MICAL2: variants seen among roughly 807,000 people sequenced by gnomAD.
MICAL2 encodes microtubule associated monooxygenase, calponin and LIM domain containing 2, also known as [F-actin]-monooxygenase MICAL2.
In MICAL2, 77 loss-of-function variants were observed where a neutral mutation model predicts 127.3. That is an observed-to-expected ratio of 0.60 (90% CI 0.50 to 0.73). The LOEUF is 0.73. Ranked by LOEUF, MICAL2 falls within the 30% of genes least tolerant of loss-of-function variation. MICAL2 has a pLI of 0.00. For missense variants in MICAL2, 1,351 were observed against 1,434.4 expected (o/e 0.94, Z 0.94); for synonymous variants, 570 against 551.1 (o/e 1.03, Z -0.48).
downstream of MICAL2, among the ~76,000 whole-genome samples, chr11:12,267,333 G>T (rs919289900): frequency 6.6e-6 from 1 of 152,194 alleles, no homozygotes; most frequent in Non-Finnish European, 1.5e-5. Flanking sequence ...AACAGGCTCT[G>T]CCCTTAGCCT....
intron 29 of MICAL2, among the ~76,000 whole-genome samples, chr11:12,305,473 C>T (rs1475816088): frequency 6.7e-6 from 1 of 149,944 alleles, no homozygotes; most frequent in Non-Finnish European, 1.5e-5. Flanking sequence ...AACACATAGC[C>T]GAACCATATC....
intron 10 of MICAL2, among the ~76,000 whole-genome samples, chr11:12,222,266 T>C (rs535160047): frequency 6.6e-6 from 1 of 152,184 alleles, no homozygotes; most frequent in East Asian, 1.9e-4. Context: ...CTGACAATCT[T>C]GGGTGTGGAA....
At chr11:12,190,349 G>C (rs1858935337) in intron 3 of MICAL2, among the ~76,000 whole-genome samples, 1 of 152,142 alleles carries the variant, frequency 6.6e-6, no homozygotes, top group Non-Finnish European at 1.5e-5. Context: ...TATCAGATGT[G>C]TATCCAACCC....
chr11:12,221,818 GC>G, intron 10 of MICAL2, 59 bp downstream of exon 10: 1 of 1,390,834 alleles, frequency 7.2e-7, no homozygotes, highest in Non-Finnish European at 1.0e-6. Context: ...AGGAAAGGGG[GC>G]AAGATCACCC....
chr11:12,163,460 GT>G (rs1855087442), intron 3 of MICAL2, among the ~76,000 whole-genome samples: 2 of 152,204 alleles, frequency 1.3e-5, no homozygotes, highest in Admixed American at 1.3e-4. Context: ...TTTTGTTTTG[GT>G]GGTGAGAAGC....
intron 2 of MICAL2, among the ~76,000 whole-genome samples, chr11:12,159,295 G>A (rs1284930749): frequency 9.2e-5 from 14 of 152,208 alleles, no homozygotes; most frequent in African/African-American, 3.4e-4. Flanking sequence ...TGTCTGGCTT[G>A]ATGCCTCTAA....
chr11:12,357,153 G>A (rs1589926233), intron 34 of MICAL2, among the ~76,000 whole-genome samples: 2 of 152,262 alleles, frequency 1.3e-5, no homozygotes, highest in East Asian at 1.9e-4. Context: ...TCAGAGCTAA[G>A]CCTGATGAAG....
chr11:12,326,122 C>A (rs1864351070), intron 31 of MICAL2, among the ~76,000 whole-genome samples: 1 of 152,094 alleles, frequency 6.6e-6, no homozygotes, highest in Admixed American at 6.6e-5. Flanking sequence ...GGAGGGGCCT[C>A]GGCTGCTGTA....
rs376095268 is a variant in MICAL2, at chr11:12,251,072, AGTAAGTGTTGGAAACTT to A, written c.2847+1830_2847+1846del. On this transcript the variant is annotated intron_variant, in intron 22 of 27. Transcript: ENST00000683283. The stretch of plus-strand genomic sequence containing the variant: ...CCCATGATTATAGCAAGTGAGAGAG[AGTAAGTGTTGGAAACTT>A]GTAGAACCATTTGATATTGCCACAC... 9.7e-3 allele frequency among the ~76,000 whole-genome samples: 1,471 copies of A among 152,282 alleles called. 25 individuals carry two copies. Among genetic ancestry groups the A allele is most frequent in the African/African-American group, 0.033 (1,378 of 41,532 alleles).
rs544368352 is a variant in MICAL2, at chr11:12,207,287, G to A, written c.473-736G>A. ...AGAGGGTGTGTTCTGTATCTCCTGT[G>A]CCTAGCATGGCACCTGACATAGTAT... On this transcript the variant is annotated intron_variant, in intron 4 of 27. Coordinates refer to ENST00000683283, the MANE Select transcript of MICAL2 (RefSeq NM_001282663.2). Among the ~76,000 whole-genome samples the A allele has an allele frequency of 4.6e-5, 7 of 152,232 alleles. No homozygotes were observed. In the East Asian group the frequency reaches 1.3e-3, roughly 29 times the overall value.
At chr11:12,216,950 A>T (rs950637785) in intron 8 of MICAL2, among the ~76,000 whole-genome samples, 1 of 152,200 alleles carries the variant, frequency 6.6e-6, no homozygotes, top group Non-Finnish European at 1.5e-5. Context: ...GGGTTTGTAG[A>T]TTCCCTCTGT....
intron 24 of MICAL2, among the ~76,000 whole-genome samples, chr11:12,268,936 T>C (rs1295897427): frequency 3.3e-5 from 5 of 152,044 alleles, no homozygotes; most frequent in African/African-American, 1.2e-4. Flanking sequence ...GAGGCGGAGC[T>C]TGCAGTGAGC....
chr11:12,262,811 G>C, intron 27 of MICAL2: 3 of 383,042 alleles, frequency 7.8e-6, no homozygotes, highest in Non-Finnish European at 1.4e-5. Context: ...CTGCGTGCAT[G>C]CTTCTCCAGT....
intron 34 of MICAL2, chr11:12,358,199 G>A (rs921003002): frequency 8.3e-7 from 1 of 1,209,166 alleles, no homozygotes; most frequent in Non-Finnish European, 1.2e-6. Flanking sequence ...AAAATTAAAG[G>A]CAGAACAAGT....
intron 3 of MICAL2, among the ~76,000 whole-genome samples, chr11:12,185,073 A>G (rs1020090446): frequency 1.8e-5 from 1 of 55,566 alleles, no homozygotes; most frequent in African/African-American, 6.2e-5. Context: ...TTCATTCAGC[A>G]AGGCTGACTG....
At chr11:12,353,374 C>T (rs1266627711) in intron 33 of MICAL2, among the ~76,000 whole-genome samples, 1 of 152,194 alleles carries the variant, frequency 6.6e-6, no homozygotes, top group Non-Finnish European at 1.5e-5. Context: ...TTGTTTTGTT[C>T]TTCCAACCTT....
At chr11:12,201,597 T>G (rs952952152) in intron 3 of MICAL2, among the ~76,000 whole-genome samples, 21 of 152,162 alleles carry the variant, frequency 1.4e-4, no homozygotes, top group African/African-American at 4.6e-4. Flanking sequence ...CATTTTGCTC[T>G]GGTTTTAGAC....
At chr11:12,354,472 C>CAA (rs11296730) in intron 33 of MICAL2, among the ~76,000 whole-genome samples, 2,175 of 133,780 alleles carry the variant, frequency 0.016, 25 homozygotes, top group South Asian at 0.024. Context: ...ACTCTGTCTC[C>CAA]AAAAAAAAAA....
At chr11:12,163,392 C>T (rs1011881584) in intron 3 of MICAL2, among the ~76,000 whole-genome samples, 8 of 152,268 alleles carry the variant, frequency 5.3e-5, no homozygotes, top group South Asian at 4.1e-4. Context: ...GAATTCCAGC[C>T]GGTGCCAATC....
Sources: gnomAD v4.1 joint callset for allele counts (sites outside exome capture counted in the v4.1 genomes callset) on GRCh38, gnomAD v4.1.1 for gene constraint, MANE v1.5 for transcripts, NCBI Gene and HGNC (gene_info 2026-07-23, HGNC 2026-07-21) for gene names.